PRMT3: variants seen among roughly 807,000 people sequenced by gnomAD.
PRMT3 encodes protein arginine methyltransferase 3, also known as protein arginine N-methyltransferase 3.
Under a neutral mutation model 71.9 loss-of-function variants are expected in PRMT3, and 62 were observed. The ratio of observed to expected loss-of-function variants is 0.86; its 90% CI spans 0.70 to 1.07. The LOEUF is 1.07. PRMT3 is among the 50% of genes least tolerant of loss of function. The pLI is 0.00. For missense variants in PRMT3, 663 were observed against 643.0 expected (o/e 1.03, Z -0.34); for synonymous variants, 213 against 220.4 (o/e 0.97, Z 0.30).
chr11:20,477,825 T>C (rs1385709538), intron 13 of PRMT3, among the ~76,000 whole-genome samples: 1 of 139,044 alleles, frequency 7.2e-6, no homozygotes, highest in African/African-American at 2.6e-5. Flanking sequence ...ACTTCCTGTT[T>C]TGCAGCACAA....
chr11:20,405,916 T>G (rs1849059568), intron 8 of PRMT3: 1 of 152,206 alleles, frequency 6.6e-6, no homozygotes, highest in South Asian at 2.1e-4. Flanking sequence ...TCTCCAGAAC[T>G]CTTCATCTTA....
intron 13 of PRMT3, among the ~76,000 whole-genome samples, chr11:20,487,882 A>G (rs546953297): frequency 6.6e-6 from 1 of 152,350 alleles, no homozygotes; most frequent in African/African-American, 2.4e-5. Context: ...TCCCAAATAA[A>G]TTTAAAAGGA....
At chr11:20,471,132 T>C (rs769057193) in intron 13 of PRMT3, among the ~76,000 whole-genome samples, 1 of 152,184 alleles carries the variant, frequency 6.6e-6, no homozygotes, top group Non-Finnish European at 1.5e-5. Context: ...CTTTGTCAGA[T>C]GGATAGATTG....
chr11:20,442,558 T>C (rs1267309557), intron 10 of PRMT3, among the ~76,000 whole-genome samples: 1 of 152,172 alleles, frequency 6.6e-6, no homozygotes, highest in Non-Finnish European at 1.5e-5. Context: ...TGTTCTATAC[T>C]TTGCTTTTAT....
In PRMT3 at chr11:20,508,847, GA is replaced by G. The variant is rs1472976410; in HGVS notation, c.*435del. The G allele has an allele frequency of 1.5e-5, 3 of 199,322 alleles. No homozygotes were observed. Among genetic ancestry groups the G allele is most frequent in the Non-Finnish European group, 2.1e-5 (2 of 93,988 alleles). 12.3% of individuals were successfully genotyped at this position (199,322 alleles called of 1,614,324 possible). On this transcript the variant is annotated 3_prime_UTR_variant, in exon 16 of 16. Coordinates refer to ENST00000331079, the MANE Select transcript of PRMT3 (RefSeq NM_005788.4). ...ACATTTTATTATGGACTCCTCTGAG[GA>G]GGAGTTTTTAATTGTATTTGCTAGA... is the stretch of plus-strand genomic sequence containing the variant.
chr11:20,462,930 A>G (rs562176143), intron 12 of PRMT3, among the ~76,000 whole-genome samples: 13 of 151,476 alleles, frequency 8.6e-5, no homozygotes, highest in East Asian at 1.9e-4. Context: ...CAGTGGCGCA[A>G]TCTCGGCTCA....
At chr11:20,482,983 T>C (rs182745638) in intron 13 of PRMT3, among the ~76,000 whole-genome samples, 1 of 152,106 alleles carries the variant, frequency 6.6e-6, no homozygotes, top group East Asian at 1.9e-4. Flanking sequence ...GGTGGTGAGT[T>C]GGTAGCTATC....
intron 4 of PRMT3, among the ~76,000 whole-genome samples, chr11:20,392,666 T>C (rs1848741456): frequency 6.7e-6 from 1 of 150,068 alleles, no homozygotes; most frequent in Admixed American, 6.7e-5. Context: ...TTTAATGACA[T>C]GACAACGCTT....
rs537202145 is a variant in PRMT3 at position 20,406,379 on chromosome 11, G to A, written c.772-1532G>A. 3.3e-5 allele frequency: 5 copies of A among 152,290 alleles called. No individual in the cohort carries two copies. The South Asian group carries it at 1.0e-3, about 32-fold the overall frequency. 9.4% of individuals were successfully genotyped at this position (152,290 alleles called of 1,614,324 possible). On this transcript the variant is annotated intron_variant, in intron 8 of 15. Coordinates refer to ENST00000331079, the MANE Select transcript of PRMT3 (RefSeq NM_005788.4). ...TTGACTCCCTGGATGGGGAACCCAG[G>A]GATATAAAGGGCTGACTGTATTTCC...
intron 15 of PRMT3, among the ~76,000 whole-genome samples, chr11:20,500,837 C>T (rs1163816895): frequency 6.6e-6 from 1 of 152,150 alleles, no homozygotes; most frequent in Non-Finnish European, 1.5e-5. Context: ...TGGCAACATT[C>T]GAACACATTT....
intron 8 of PRMT3, chr11:20,406,834 A>C (rs2133320967): frequency 6.6e-6 from 1 of 152,270 alleles, no homozygotes; most frequent in Admixed American, 6.5e-5. Flanking sequence ...TTTTGATAAT[A>C]GCTATCCTAG....
At chr11:20,496,695 T>C (rs191059402) in intron 15 of PRMT3, among the ~76,000 whole-genome samples, 9 of 152,204 alleles carry the variant, frequency 5.9e-5, no homozygotes, top group East Asian at 1.9e-4. Flanking sequence ...GGAACTCTGA[T>C]AGATTTTACA....
intron 9 of PRMT3, among the ~76,000 whole-genome samples, chr11:20,421,853 T>A (rs1849432980): frequency 6.6e-6 from 1 of 152,208 alleles, no homozygotes; most frequent in African/African-American, 2.4e-5. Flanking sequence ...ACGGTAAGAT[T>A]ACATAAAGTA....
chr11:20,444,185 A>T (rs1309540872), intron 10 of PRMT3, among the ~76,000 whole-genome samples: 1 of 152,176 alleles, frequency 6.6e-6, no homozygotes, highest in Non-Finnish European at 1.5e-5. Context: ...CTTTAACCCT[A>T]TTACTCAGGA....
chr11:20,445,510 A>G (rs1850006048), intron 10 of PRMT3, among the ~76,000 whole-genome samples: 1 of 152,136 alleles, frequency 6.6e-6, no homozygotes, highest in Non-Finnish European at 1.5e-5. Flanking sequence ...TATGCTAGTT[A>G]TATAAATCTT....
At chr11:20,470,034 T>C (rs2133414239) in intron 13 of PRMT3, among the ~76,000 whole-genome samples, 1 of 152,288 alleles carries the variant, frequency 6.6e-6, no homozygotes, top group South Asian at 2.1e-4. Flanking sequence ...TGCAGTCTTG[T>C]CATTGTGCAA....
At chr11:20,431,915 A>AC (rs199770564) in intron 10 of PRMT3, among the ~76,000 whole-genome samples, 4,703 of 152,180 alleles carry the variant, frequency 0.031, 236 homozygotes, top group African/African-American at 0.11. Context: ...ACTGTTAAGT[A>AC]TTAACAGGGA....
At chr11:20,409,647 A>C (rs1849150035) in intron 9 of PRMT3, among the ~76,000 whole-genome samples, 1 of 115,158 alleles carries the variant, frequency 8.7e-6, no homozygotes, top group African/African-American at 3.3e-5. Context: ...TTGTATTGGA[A>C]TACACAAACA....
rs1437489282 is a variant in PRMT3, at chr11:20,411,319, A to G, written c.893+3287A>G. 3.3e-5 allele frequency among the ~76,000 whole-genome samples: 5 copies of G among 152,084 alleles called. No homozygotes were observed. In the East Asian group the frequency reaches 9.6e-4, roughly 29 times the overall value. On this transcript the variant is annotated intron_variant, in intron 9 of 15. Coordinates refer to ENST00000331079, the MANE Select transcript of PRMT3 (RefSeq NM_005788.4). ...GTATTTTTGGAAAGGGAGTCTGATC[A>G]TTTTGTCAGCCAGATTTTTGAATCT...
Sources: allele counts gnomAD v4.1 joint callset (sites outside exome capture counted in the v4.1 genomes callset), GRCh38; gene constraint gnomAD v4.1.1; transcripts MANE v1.5; gene names NCBI Gene and HGNC (gene_info 2026-07-23, HGNC 2026-07-21).